The following MYL3 variants were observed in gnomAD, a reference collection of about 807,000 sequenced individuals.
MYL3 encodes the protein myosin light chain 3, also known as CMLC1.
MYL3 carries 11 observed loss-of-function variants against 21.3 expected under a neutral mutation model. The ratio of observed to expected loss-of-function variants is 0.52; its 90% confidence interval spans 0.32 to 0.85. MYL3 has a LOEUF of 0.85. Among genes scored for constraint, MYL3 ranks in the 40% least tolerant of loss-of-function variants. The pLI is 0.03. For missense variants in MYL3, 206 were observed against 253.3 expected, an observed-to-expected ratio of 0.81 and a Z score of 1.27; for synonymous variants, 88 against 91.6, an observed-to-expected ratio of 0.96 and a Z score of 0.22.
chr3:46,871,375 G>A (rs1031944289), intron 1 of MYL3, among the ~76,000 whole-genome samples: 2 of 152,124 alleles, frequency 1.3e-5, no homozygotes, highest in African/African-American at 2.4e-5. Flanking sequence ...TAGCTGAGCC[G>A]GGAGGTCAGC....
In MYL3 at chr3:46,874,786, G is replaced by C. The variant is rs1276524342; in HGVS notation, c.-218+7288C>G. 3.3e-5 allele frequency among the ~76,000 whole-genome samples: 5 copies of C among 152,146 alleles called. No individual in the cohort carries two copies. Among genetic ancestry groups the C allele is most frequent in the African/African-American group, 4.8e-5 (2 of 41,434 alleles). ...GCTTCTGGGGATTTTACAACCACTG[G>C]AGCGGGAAATCACACTCTACCCAGA... On this transcript the variant is annotated intron_variant, in intron 1 of 3. Transcript: ENST00000431168. This position sits in a 1 kb window ranked among gnomAD's most constrained non-coding sequence, Gnocchi z 4.1.
At chr3:46,870,071 G>A (rs148816465) in intron 1 of MYL3, among the ~76,000 whole-genome samples, 21 of 152,070 alleles carry the variant, frequency 1.4e-4, no homozygotes, top group Admixed American at 1.0e-3. Flanking sequence ...TCAGAAACAG[G>A]GGGGAGAGAG....
chr3:46,864,172 G>A (rs557549950), upstream of MYL3, among the ~76,000 whole-genome samples: 2 of 152,192 alleles, frequency 1.3e-5, no homozygotes, highest in South Asian at 4.2e-4. The surrounding 1 kb of genome is among the most constrained non-coding windows in gnomAD (Gnocchi z 4.7). Flanking sequence ...TGTGCGTGGT[G>A]TGTCTATGTG....
intron 1 of MYL3, among the ~76,000 whole-genome samples, chr3:46,862,332 C>T (rs1259508705): frequency 3.3e-5 from 5 of 152,202 alleles, no homozygotes; most frequent in South Asian, 2.1e-4. Flanking sequence ...GAGGAAACCA[C>T]GCCTCAGAGC....
In MYL3 at chr3:46,878,235, T is replaced by C. The variant is rs1328559515; in HGVS notation, c.-218+3839A>G. ...GAGCCTCCAGCGACTCAGCTGGGTG[T>C]CAGGGGGTGTTTATGAGCAGCCGAA... On this transcript the variant is annotated intron_variant, in intron 1 of 3. Coordinates refer to the MYL3 transcript ENST00000431168. 5.3e-5 allele frequency among the ~76,000 whole-genome samples: 8 copies of C among 152,300 alleles called. No homozygotes were observed. The East Asian group carries it at 1.5e-3, about 29-fold the overall frequency.
In MYL3 at chr3:46,879,655, G is replaced by A. The variant is rs141661083; in HGVS notation, c.-218+2419C>T. ...CCAGCTACATGAGAGGCTGAGGTGA[G>A]AGGATTGCTTGAGCCCAGGAGGTCA... On this transcript the variant is annotated intron_variant, in intron 1 of 3. Transcript: ENST00000431168. This position sits in a 1 kb window ranked among gnomAD's most constrained non-coding sequence, Gnocchi z 4.7. Among the ~76,000 whole-genome samples, 588 of 152,342 alleles carry A rather than the reference G, an allele frequency of 3.9e-3. 6 individuals carry two copies. The highest frequency in any genetic ancestry group is 0.014 in the African/African-American group (568 of 41,564).
At chr3:46,864,877 G>T (rs1246637649), upstream of MYL3, among the ~76,000 whole-genome samples, 3 of 152,238 alleles carry the variant, frequency 2.0e-5, no homozygotes, top group African/African-American at 7.2e-5. This position sits in a 1 kb window ranked among gnomAD's most constrained non-coding sequence, Gnocchi z 4.7. Context: ...GTGGCACAAG[G>T]CTCTTCCCGC....
Position 46,861,041 on chromosome 3 carries a change from C to T in MYL3, c.130-54G>A. The T allele has an allele frequency of 1.2e-6, 2 of 1,606,170 alleles. No individual in the cohort carries two copies. Among genetic ancestry groups the T allele is most frequent in the Non-Finnish European group, 1.7e-6 (2 of 1,173,138 alleles). On this transcript the variant is annotated intron_variant, in intron 1 of 6. Coordinates refer to ENST00000292327, the MANE Select transcript of MYL3 (RefSeq NM_000258.3). This position sits in a 1 kb window ranked among gnomAD's most constrained non-coding sequence, Gnocchi z 4.2. ...CCCGGCTTAAAAGGTGGGGCCACAC[C>T]TCCTCCTGGGCACTCGGTGGCCAGC...
At chr3:46,875,711 C>T (rs550016317) in intron 1 of MYL3, among the ~76,000 whole-genome samples, 76 of 152,342 alleles carry the variant, frequency 5.0e-4, no homozygotes, top group African/African-American at 1.8e-3. Flanking sequence ...CACCCACCAT[C>T]CCACTTATGC....
intron 1 of MYL3, among the ~76,000 whole-genome samples, chr3:46,869,635 C>T (rs189139647): frequency 2.0e-4 from 31 of 152,308 alleles, no homozygotes; most frequent in African/African-American, 6.5e-4. Flanking sequence ...TGTCGTCTTG[C>T]GTGCTTCCAC....
chr3:46,876,400 C>T (rs565860078), intron 1 of MYL3, among the ~76,000 whole-genome samples: 2 of 152,324 alleles, frequency 1.3e-5, no homozygotes, highest in African/African-American at 4.8e-5. Context: ...CCACTGACCT[C>T]CGCTGGCCTG....
At chr3:46,871,273 C>T (rs939471439) in intron 1 of MYL3, among the ~76,000 whole-genome samples, 4 of 152,022 alleles carry the variant, frequency 2.6e-5, no homozygotes, top group South Asian at 4.1e-4. Flanking sequence ...TGTGTGTGAA[C>T]GTGTGTGTCT....
intron 1 of MYL3, among the ~76,000 whole-genome samples, chr3:46,870,710 C>T (rs1044197911): frequency 6.6e-6 from 1 of 152,188 alleles, no homozygotes; most frequent in African/African-American, 2.4e-5. Context: ...GCACTATCCC[C>T]AGGCAGGCTA....
upstream of MYL3, among the ~76,000 whole-genome samples, chr3:46,868,048 A>T (rs1174077692): frequency 3.9e-5 from 6 of 152,148 alleles, no homozygotes; most frequent in South Asian, 1.2e-3. Context: ...GAAGGAGATA[A>T]ATTTCTACAC....
intron 1 of MYL3, among the ~76,000 whole-genome samples, chr3:46,871,031 CAT>C (rs1702104675): frequency 6.6e-6 from 1 of 152,220 alleles, no homozygotes; most frequent in South Asian, 2.1e-4. Context: ...CCTTTGTACA[CAT>C]ATACTTTTGC....
chr3:46,865,476 G>A (rs568053771), upstream of MYL3, among the ~76,000 whole-genome samples: 5 of 152,244 alleles, frequency 3.3e-5, no homozygotes, highest in East Asian at 1.9e-4. The surrounding 1 kb of genome is among the most constrained non-coding windows in gnomAD (Gnocchi z 4.3). Context: ...GAAGTCACAC[G>A]GGAGCCCCAG....
At chr3:46,873,016 C>T (rs1455181419) in intron 1 of MYL3, among the ~76,000 whole-genome samples, 1 of 152,224 alleles carries the variant, frequency 6.6e-6, no homozygotes, top group African/African-American at 2.4e-5. Context: ...GGAGGCTTCT[C>T]AGCAGAGCCA....
intron 1 of MYL3, among the ~76,000 whole-genome samples, chr3:46,872,962 G>C (rs1234291468): frequency 3.9e-5 from 6 of 152,208 alleles, no homozygotes; most frequent in Non-Finnish European, 7.3e-5. Flanking sequence ...AGGGTGTTTG[G>C]AATCCACAGC....
chr3:46,879,963 C>T lies in MYL3; in HGVS notation c.-218+2111G>A, dbSNP rs1002353035. ...CTGAGGCCAGAGAATTGCTTGAACC[C>T]GGGAGGTGGAGGTTGCAGTCAGCCG... is the stretch of plus-strand genomic sequence containing the variant. On this transcript the variant is annotated intron_variant, in intron 1 of 3. Transcript: ENST00000431168. The surrounding 1 kb of genome is among the most constrained non-coding windows in gnomAD (Gnocchi z 4.7). 1.3e-5 allele frequency among the ~76,000 whole-genome samples: 2 copies of T among 152,024 alleles called. No individual in the cohort carries two copies. The highest frequency in any genetic ancestry group is 2.4e-5 in the African/African-American group (1 of 41,384).
Sources: allele counts gnomAD v4.1 joint callset (sites outside exome capture counted in the v4.1 genomes callset), GRCh38; gene constraint gnomAD v4.1.1; non-coding constraint Gnocchi (gnomAD v3.1); transcripts MANE v1.5; gene names NCBI Gene and HGNC (gene_info 2026-07-23, HGNC 2026-07-21).